The following RPGR variants were observed in gnomAD, a reference collection of about 807,000 sequenced individuals.
The protein encoded by RPGR is X-linked retinitis pigmentosa GTPase regulator.
Under a neutral mutation model 56.3 loss-of-function variants are expected in RPGR, and 10 were observed. The observed-to-expected ratio is 0.18, with a 90% CI of 0.11 to 0.30. The LOEUF (loss-of-function observed/expected upper bound fraction) is 0.30. Among genes scored for constraint, RPGR ranks in the 10% least tolerant of loss-of-function variants. RPGR has a pLI of 1.00. For missense variants in RPGR, 538 were observed against 590.9 expected, an observed-to-expected ratio of 0.91 and a Z score of 0.93; for synonymous variants, 197 against 212.9, an observed-to-expected ratio of 0.93 and a Z score of 0.65.
chrX:38,285,735 C>T lies in RPGR; in HGVS notation c.1905+1359G>A, dbSNP rs78736275. 0.04 allele frequency: 48,590 copies of T among 1,208,507 alleles called. 1,653 individuals are homozygous for T. The highest frequency in any genetic ancestry group is 0.18 in the Admixed American group (8,287 of 45,589). ...ATTTCACAGATCCTTTTATTTTGCT[C>T]ACTTTTTTGTACTCCTCTCCATCCT... On this transcript the variant is annotated intron_variant, in intron 15 of 18. Transcript: ENST00000642395.
intron 16 of RPGR, chrX:38,275,172 A>G (rs1398481874): frequency 8.5e-7 from 1 of 1,173,524 alleles, no homozygotes; most frequent in Non-Finnish European, 1.2e-6. Context: ...AAGCAATATA[A>G]CAAAAAATAT....
intron 15 of RPGR, chrX:38,285,492 G>T: frequency 8.3e-7 from 1 of 1,209,481 alleles, no homozygotes; most frequent in Non-Finnish European, 1.1e-6. Context: ...TATATGCAAG[G>T]CATTTAAATT....
intron 13 of RPGR, 70 bp downstream of exon 13, chrX:38,290,888 CA>C: frequency 8.5e-6 from 4 of 470,449 alleles, no homozygotes; most frequent in Admixed American, 2.9e-5. Flanking sequence ...GTGTTCTTTC[CA>C]AAAACCATCC....
chrX:38,315,085 T>C (rs1052053284), intron 6 of RPGR, among the ~76,000 whole-genome samples: 2 of 111,490 alleles, frequency 1.8e-5, no homozygotes, highest in African/African-American at 6.5e-5. Flanking sequence ...ATCCCAGCAC[T>C]TTGGGAGGCC....
chrX:38,300,580 G>A (rs1245819087), intron 9 of RPGR, among the ~76,000 whole-genome samples: 1 of 111,164 alleles, frequency 9.0e-6, no homozygotes, highest in East Asian at 2.8e-4. Context: ...TGTCACCTGG[G>A]CTGGAGTGCA....
At chrX:38,324,567 G>A (rs1296795996) in intron 1 of RPGR, among the ~76,000 whole-genome samples, 3 of 109,113 alleles carry the variant, frequency 2.7e-5, no homozygotes, top group Non-Finnish European at 5.7e-5. Flanking sequence ...GGTATTCAAA[G>A]GTTGTTGTAA....
intron 14 of RPGR, chrX:38,287,550 T>C (rs1333779732): frequency 2.0e-6 from 1 of 506,289 alleles, no homozygotes; most frequent in Admixed American, 2.7e-5. Flanking sequence ...TAACAAAATC[T>C]TTATTTTCTT....
Position 38,310,878 on chromosome X carries a change from C to G in RPGR, c.620-105G>C, listed in dbSNP as rs35019417. On this transcript the variant is annotated intron_variant, in intron 6 of 18. Coordinates refer to ENST00000642395, the MANE Select transcript of RPGR (RefSeq NM_000328.3). ...GACAAGGATCACTTAATACATTTGA[C>G]CTTTCTTGAGATATTTTTACTGTAT... is the stretch of plus-strand genomic sequence containing the variant. 0.18 allele frequency: 119,168 copies of G among 661,513 alleles called. 7,840 individuals carry two copies. The highest frequency in any genetic ancestry group is 0.23 in the Admixed American group (8,743 of 38,162). 54.5% of individuals were successfully genotyped at this position (661,513 alleles called of 1,213,427 possible).
Position 38,269,314 on chromosome X carries a change from T to G in RPGR, c.*312A>C, listed in dbSNP as rs1385423796. On this transcript the variant is annotated 3_prime_UTR_variant, in exon 19 of 19. Transcript: ENST00000642395. ...CTTATAAAATTATAAAGAAGTAAAA[T>G]TGTTTAGTAAAAACTAGGAAATATC... 6.7e-6 allele frequency: 1 copy of G among 148,680 alleles called. No homozygotes were observed. Among genetic ancestry groups the G allele is most frequent in the Non-Finnish European group, 1.3e-5 (1 of 77,493 alleles). The allele number at this position is 148,680 out of a possible 1,213,427, so 12.3% of individuals were successfully genotyped here.
intron 15 of RPGR, among the ~76,000 whole-genome samples, chrX:38,283,457 A>G (rs1051746430): frequency 8.9e-6 from 1 of 111,839 alleles, no homozygotes; most frequent in African/African-American, 3.3e-5. Flanking sequence ...TTCTCATTCT[A>G]TAATTTTCCA....
At chrX:38,280,300 CT>C (rs1269250974) in intron 15 of RPGR, among the ~76,000 whole-genome samples, 2 of 111,015 alleles carry the variant, frequency 1.8e-5, no homozygotes, top group Non-Finnish European at 3.8e-5. Context: ...TAAGTTTGGA[CT>C]TTTTTTTCCC....
chrX:38,306,671 T>C (rs1489311042), intron 7 of RPGR, among the ~76,000 whole-genome samples: 2 of 112,441 alleles, frequency 1.8e-5, no homozygotes, highest in African/African-American at 6.5e-5. Context: ...CAGTAGAATA[T>C]TGGGTAAATT....
intron 15 of RPGR, among the ~76,000 whole-genome samples, chrX:38,278,628 A>C (rs2066978163): frequency 8.9e-6 from 1 of 112,686 alleles, no homozygotes; most frequent in Non-Finnish European, 1.9e-5. Context: ...AAACAACTTC[A>C]CTTTGAAAGG....
intron 15 of RPGR, among the ~76,000 whole-genome samples, chrX:38,283,641 G>A (rs1478707102): frequency 1.8e-5 from 2 of 111,953 alleles, no homozygotes; most frequent in African/African-American, 3.2e-5. Flanking sequence ...AATGTTTTTG[G>A]CCAGGGAAAT....
At chrX:38,326,181 C>T (rs1261511855) in intron 1 of RPGR, among the ~76,000 whole-genome samples, 1 of 111,659 alleles carries the variant, frequency 9.0e-6, no homozygotes, top group Non-Finnish European at 1.9e-5. Context: ...CATCCCAAGC[C>T]AAGGTTTGGT....
rs374555833 is a variant in RPGR at position 38,291,023 on chromosome X, G to C, written c.1508C>G (p.Thr503Arg). 59 of 956,413 alleles carry C rather than the reference G, an allele frequency of 6.2e-5. No individual in the cohort carries two copies. The highest frequency in any genetic ancestry group is 8.2e-5 in the Non-Finnish European group (58 of 707,797). 78.8% of individuals were successfully genotyped at this position (956,413 alleles called of 1,213,427 possible). The change falls in exon 13 of 19, where the codon ACA becomes AGA. Residue 503 changes from threonine to arginine, a missense_variant and splice_region_variant. Around this residue, in one of 2 missense-constraint regions of RPGR, gnomAD observed 357 missense variants for 325.8 expected, o/e 1.10. Transcript: ENST00000642395. ...ATTGGAATTCAGGCTCATGATGTGT[G>C]TCTGAAATAAATAAAAAATATATAT...
chrX:38,298,465 G>A (rs1018005555), intron 10 of RPGR: 4 of 301,562 alleles, frequency 1.3e-5, no homozygotes, highest in African/African-American at 1.1e-4. Flanking sequence ...ACAAAAGAAT[G>A]TAGCATTATA....
At chrX:38,325,237 C>T (rs1308435885) in intron 1 of RPGR, among the ~76,000 whole-genome samples, 2 of 108,804 alleles carry the variant, frequency 1.8e-5, no homozygotes, top group African/African-American at 6.7e-5. Context: ...CCATTTGTTA[C>T]CCCAAATGTT....
At chrX:38,314,437 T>A (rs1221629123) in intron 6 of RPGR, among the ~76,000 whole-genome samples, 1 of 111,663 alleles carries the variant, frequency 9.0e-6, no homozygotes, top group African/African-American at 3.3e-5. Context: ...AGGATTCTGA[T>A]CTTAAGCACA....
Sources: gnomAD v4.1 joint callset for allele counts (sites outside exome capture counted in the v4.1 genomes callset) on GRCh38, gnomAD v4.1.1 for gene constraint, gnomAD v4.1.1 regional missense constraint, MANE v1.5 for transcripts, NCBI Gene and HGNC (gene_info 2026-07-23, HGNC 2026-07-21) for gene names.